SPOCK3: variants seen among roughly 807,000 people sequenced by gnomAD.
The protein encoded by SPOCK3 is SPARC (osteonectin), cwcv and kazal like domains proteoglycan 3.
Under a neutral mutation model 56.6 loss-of-function variants are expected in SPOCK3, and 30 were observed. That is an observed-to-expected ratio of 0.53 (90% confidence interval 0.40 to 0.72). SPOCK3 has a LOEUF of 0.72. Among genes scored for constraint, SPOCK3 ranks in the 30% least tolerant of loss-of-function variants. The pLI is 0.00. For synonymous variants in SPOCK3, 196 were observed against 183.3 expected (o/e 1.07, Z -0.56); for missense variants, 527 against 530.0 (o/e 0.99, Z 0.06).
At chr4:166,856,141 G>A (rs1019727261) in intron 6 of SPOCK3, among the ~76,000 whole-genome samples, 7 of 151,240 alleles carry the variant, frequency 4.6e-5, no homozygotes, top group African/African-American at 1.7e-4. Context: ...GAATGAAATG[G>A]TGGTTACCAG....
At chr4:167,214,315 T>C (rs377583639) in intron 2 of SPOCK3, among the ~76,000 whole-genome samples, 30 of 152,174 alleles carry the variant, frequency 2.0e-4, no homozygotes, top group African/African-American at 7.2e-4. Flanking sequence ...TAAGTAACTA[T>C]ATAGCATAGA....
At chr4:166,801,037 A>G (rs1374705076) in intron 6 of SPOCK3, among the ~76,000 whole-genome samples, 1 of 152,172 alleles carries the variant, frequency 6.6e-6, no homozygotes, top group Non-Finnish European at 1.5e-5. Context: ...AATTGCCTAC[A>G]ATATTTAGTA....
chr4:167,201,716 C>A (rs1733538066), intron 2 of SPOCK3, among the ~76,000 whole-genome samples: 1 of 150,592 alleles, frequency 6.6e-6, no homozygotes, highest in Non-Finnish European at 1.5e-5. Context: ...TAATGTGGGA[C>A]AATTTCTAAA....
chr4:167,160,669 C>T (rs2150438706), intron 2 of SPOCK3, among the ~76,000 whole-genome samples: 1 of 152,252 alleles, frequency 6.6e-6, no homozygotes. Context: ...ACCAAAACAG[C>T]ATGATACTGG....
intron 6 of SPOCK3, among the ~76,000 whole-genome samples, chr4:166,820,271 T>A (rs1473792307): frequency 6.6e-6 from 1 of 152,046 alleles, no homozygotes; most frequent in African/African-American, 2.4e-5. Context: ...ATTTAGTCAT[T>A]CCATGTACAT....
intron 3 of SPOCK3, among the ~76,000 whole-genome samples, chr4:167,042,827 G>C (rs1211038766): frequency 1.3e-5 from 2 of 152,064 alleles, no homozygotes; most frequent in Non-Finnish European, 2.9e-5. Flanking sequence ...AGGGCTTTAG[G>C]TTGATACCTA....
chr4:166,830,336 T>C (rs1159730301), intron 6 of SPOCK3, among the ~76,000 whole-genome samples: 2 of 152,232 alleles, frequency 1.3e-5, no homozygotes, highest in East Asian at 3.9e-4. Flanking sequence ...AAATAAATGT[T>C]TCTCTTCATT....
chr4:167,009,533 C>G (rs565007410), intron 3 of SPOCK3, among the ~76,000 whole-genome samples: 201 of 152,186 alleles, frequency 1.3e-3, no homozygotes, highest in African/African-American at 4.7e-3. Context: ...TTGGTGGAAA[C>G]CAGTTACAAA....
chr4:167,123,176 A>T (rs1280604674), intron 2 of SPOCK3, among the ~76,000 whole-genome samples: 1 of 152,082 alleles, frequency 6.6e-6, no homozygotes. Flanking sequence ...AAAGTTGAAT[A>T]ATGTTTAAAG....
chr4:167,139,092 A>G (rs1215105095), intron 2 of SPOCK3, among the ~76,000 whole-genome samples: 2 of 152,024 alleles, frequency 1.3e-5, no homozygotes, highest in Non-Finnish European at 2.9e-5. Flanking sequence ...TCTCTGTGAT[A>G]TGAAGGGACT....
chr4:166,941,799 G>T lies in SPOCK3; in HGVS notation c.351-29056C>A, dbSNP rs967218143. Reference sequence around the variant, plus strand: ...AGTAGTCCTGTAGTGAGTTCCCGGGGCATAGTAAGAACCGAGCCTTTAGGG... The same window carrying T: ...AGTAGTCCTGTAGTGAGTTCCCGGGTCATAGTAAGAACCGAGCCTTTAGGG... On this transcript the variant is annotated intron_variant, in intron 4 of 10. Coordinates refer to ENST00000357545, the MANE Select transcript of SPOCK3 (RefSeq NM_001040159.2). Among the ~76,000 whole-genome samples, 4 of 152,104 alleles carry T rather than the reference G, an allele frequency of 2.6e-5. 1 individual carries two copies. The highest frequency in any genetic ancestry group is 5.9e-5 in the Non-Finnish European group (4 of 68,026).
chr4:167,100,476 TTCTC>T (rs199725725), intron 2 of SPOCK3, among the ~76,000 whole-genome samples: 1 of 147,472 alleles, frequency 6.8e-6, no homozygotes, highest in Admixed American at 6.7e-5. Flanking sequence ...CACACCCACA[TTCTC>T]TCTCTCTCAC....
intron 2 of SPOCK3, among the ~76,000 whole-genome samples, chr4:167,142,231 G>A (rs970790239): frequency 2.1e-4 from 32 of 151,856 alleles, no homozygotes; most frequent in Admixed American, 3.3e-4. Context: ...CCACAAAATA[G>A]AGAAAACTGA....
rs1042565019 is a variant in SPOCK3 at position 166,900,487 on chromosome 4, T to C, written c.475-11243A>G. On this transcript the variant is annotated intron_variant, in intron 5 of 10. Transcript: ENST00000357545. ...GGAGCATACCCTCTCAGCTGGCTCT[T>C]AGGTAGCGAATAAGATGCAAGGAGG... is the stretch of plus-strand genomic sequence containing the variant. Among the ~76,000 whole-genome samples, 7 of 152,182 alleles carry C rather than the reference T, an allele frequency of 4.6e-5. No homozygotes were observed. The East Asian group carries it at 1.3e-3, about 29-fold the overall frequency.
chr4:167,161,980 T>C (rs1765357961), intron 2 of SPOCK3, among the ~76,000 whole-genome samples: 1 of 152,006 alleles, frequency 6.6e-6, no homozygotes, highest in Non-Finnish European at 1.5e-5. Flanking sequence ...ACAAGGCACA[T>C]GTATACATAT....
At chr4:167,165,674 C>T (rs1361586405) in intron 2 of SPOCK3, among the ~76,000 whole-genome samples, 1 of 151,840 alleles carries the variant, frequency 6.6e-6, no homozygotes, top group Admixed American at 6.6e-5. Context: ...TATACATAAA[C>T]CAAAAATATA....
chr4:166,747,746 A>C (rs1421750197), intron 8 of SPOCK3, among the ~76,000 whole-genome samples: 1 of 152,112 alleles, frequency 6.6e-6, no homozygotes, highest in African/African-American at 2.4e-5. Flanking sequence ...CCACTGTCTC[A>C]GCCCAAAATC....
chr4:166,946,496 C>G (rs1210586666), intron 4 of SPOCK3, among the ~76,000 whole-genome samples: 1 of 152,160 alleles, frequency 6.6e-6, no homozygotes, highest in Admixed American at 6.5e-5. Context: ...GTCCTTTGCT[C>G]TAGCTTTTCT....
At chr4:166,968,427 C>G (rs558314917) in intron 4 of SPOCK3, among the ~76,000 whole-genome samples, 7 of 152,246 alleles carry the variant, frequency 4.6e-5, no homozygotes, top group Non-Finnish European at 7.4e-5. Flanking sequence ...TTTTGGAGGG[C>G]ATGCCCAGGA....
Sources: gnomAD v4.1 joint callset for allele counts (sites outside exome capture counted in the v4.1 genomes callset) on GRCh38, gnomAD v4.1.1 for gene constraint, MANE v1.5 for transcripts, NCBI Gene and HGNC (gene_info 2026-07-23, HGNC 2026-07-21) for gene names.